The following ELAVL2 variants were observed in gnomAD, a reference collection of about 807,000 sequenced individuals.
ELAVL2 encodes ELAV-like protein 2.
ELAVL2 carries 4 observed loss-of-function variants against 34.6 expected under a neutral mutation model. The observed-to-expected ratio is 0.12, with a 90% CI of 0.06 to 0.26. The LOEUF (loss-of-function observed/expected upper bound fraction) is 0.26, where lower values mean the gene tolerates loss of function less well. ELAVL2 is among the 10% of genes least tolerant of loss of function. The pLI, the probability that ELAVL2 is intolerant of heterozygous loss-of-function variation, is 1.00. For synonymous variants in ELAVL2, 193 were observed against 154.8 expected, an observed-to-expected ratio of 1.25 and a Z score of -1.83; for missense variants, 432 against 442.8, an observed-to-expected ratio of 0.98 and a Z score of 0.22.
At chr9:23,764,971 A>G in intron 1 of ELAVL2, 1 of 1,598,490 alleles carries the variant, frequency 6.3e-7, no homozygotes, top group Non-Finnish European at 8.5e-7. Context: ...CATGCTAAAA[A>G]AAAGTAGCCT....
intron 1 of ELAVL2, among the ~76,000 whole-genome samples, chr9:23,786,315 GAT>G (rs2059675109): frequency 6.6e-6 from 1 of 152,056 alleles, no homozygotes; most frequent in Non-Finnish European, 1.5e-5. Flanking sequence ...TTTATATTGA[GAT>G]AAACTATATA....
At chr9:23,712,806 G>A (rs933630478) in intron 3 of ELAVL2, among the ~76,000 whole-genome samples, 2 of 152,250 alleles carry the variant, frequency 1.3e-5, no homozygotes, top group Admixed American at 6.5e-5. Context: ...ACTTAAAGGC[G>A]ACCTAGGAAT....
At chr9:23,745,763 T>C (rs1282126076) in intron 2 of ELAVL2, among the ~76,000 whole-genome samples, 1 of 152,098 alleles carries the variant, frequency 6.6e-6, no homozygotes, top group Non-Finnish European at 1.5e-5. Flanking sequence ...GCAGAGGAGA[T>C]AAATGTAGGT....
intron 2 of ELAVL2, among the ~76,000 whole-genome samples, chr9:23,732,019 T>C (rs2046695318): frequency 6.6e-6 from 1 of 152,170 alleles, no homozygotes; most frequent in African/African-American, 2.4e-5. Flanking sequence ...AACTTTTCAA[T>C]GAAGCAAGTT....
chr9:23,745,280 T>C (rs564663301), intron 2 of ELAVL2, among the ~76,000 whole-genome samples: 1 of 152,256 alleles, frequency 6.6e-6, no homozygotes, highest in South Asian at 2.1e-4. Flanking sequence ...GAAGAATGTT[T>C]TCTGAATGTA....
chr9:23,807,028 C>T (rs2062320832), intron 1 of ELAVL2, among the ~76,000 whole-genome samples: 1 of 151,942 alleles, frequency 6.6e-6, no homozygotes, highest in East Asian at 1.9e-4. Context: ...TAATATCCAC[C>T]TACAAAAAAA....
intron 1 of ELAVL2, among the ~76,000 whole-genome samples, chr9:23,811,943 A>G (rs1172948558): frequency 6.6e-6 from 1 of 152,174 alleles, no homozygotes; most frequent in Non-Finnish European, 1.5e-5. Context: ...GGAGGGAAAT[A>G]AGACATAAAA....
At chr9:23,707,391 T>C (rs2039665724) in intron 3 of ELAVL2, among the ~76,000 whole-genome samples, 1 of 152,212 alleles carries the variant, frequency 6.6e-6, no homozygotes, top group African/African-American at 2.4e-5. Context: ...TGGCTTTTTT[T>C]TCCACAGGAG....
At chr9:23,798,652 G>A (rs551011032) in intron 1 of ELAVL2, among the ~76,000 whole-genome samples, 1 of 152,276 alleles carries the variant, frequency 6.6e-6, no homozygotes, top group African/African-American at 2.4e-5. Context: ...TTCTGCCTTT[G>A]TAGGGGGTGT....
intron 2 of ELAVL2, among the ~76,000 whole-genome samples, chr9:23,753,210 C>G (rs1047739815): frequency 6.6e-6 from 1 of 152,130 alleles, no homozygotes; most frequent in African/African-American, 2.4e-5. Context: ...TGGAAAAGCA[C>G]ACTCTGAGGG....
intron 1 of ELAVL2, among the ~76,000 whole-genome samples, chr9:23,825,459 T>C (rs997182727): frequency 8.5e-5 from 13 of 152,106 alleles, no homozygotes; most frequent in Non-Finnish European, 1.8e-4. Context: ...AGTAGAGGCA[T>C]GCATCCCCAA....
intron 5 of ELAVL2, among the ~76,000 whole-genome samples, chr9:23,695,535 A>C (rs571950563): frequency 9.8e-5 from 15 of 152,298 alleles, no homozygotes; most frequent in Middle Eastern, 3.4e-3. Context: ...ATATGTTCTG[A>C]AAATGTGTCA....
intron 3 of ELAVL2, among the ~76,000 whole-genome samples, chr9:23,709,599 A>C (rs1481287518): frequency 6.6e-6 from 1 of 152,202 alleles, no homozygotes; most frequent in Non-Finnish European, 1.5e-5. Flanking sequence ...GTTCGCTTTA[A>C]ATGACAAATT....
At chr9:23,799,969 C>T (rs2061390205) in intron 1 of ELAVL2, among the ~76,000 whole-genome samples, 2 of 152,132 alleles carry the variant, frequency 1.3e-5, no homozygotes, top group African/African-American at 4.8e-5. Flanking sequence ...TGGGTGGGTG[C>T]AGGGGACAGA....
chr9:23,747,470 G>A (rs2050787672), intron 2 of ELAVL2, among the ~76,000 whole-genome samples: 1 of 152,166 alleles, frequency 6.6e-6, no homozygotes, highest in African/African-American at 2.4e-5. Context: ...GTCACCACTT[G>A]AAATCAAGAA....
chr9:23,772,977 G>A (rs889240072), intron 1 of ELAVL2, among the ~76,000 whole-genome samples: 1 of 151,972 alleles, frequency 6.6e-6, no homozygotes, highest in African/African-American at 2.4e-5. Context: ...TTTAAAAACC[G>A]ACATCCCAGC....
the ELAVL2 span, among the ~76,000 whole-genome samples, chr9:23,847,952 G>T: frequency 6.6e-6 from 1 of 151,816 alleles, no homozygotes; most frequent in Non-Finnish European, 1.5e-5. Flanking sequence ...TAAATCTGAT[G>T]GCTTCTTTGA....
At chr9:23,732,680 A>G (rs1224455038) in intron 2 of ELAVL2, among the ~76,000 whole-genome samples, 28 of 152,178 alleles carry the variant, frequency 1.8e-4, no homozygotes, top group Admixed American at 1.8e-3. Flanking sequence ...AAATCTGCTC[A>G]AGGAACCAGC....
intron 1 of ELAVL2, among the ~76,000 whole-genome samples, chr9:23,824,753 G>C (rs1480375573): frequency 6.6e-6 from 1 of 152,158 alleles, no homozygotes; most frequent in African/African-American, 2.4e-5. Flanking sequence ...AATCACAAAA[G>C]TTAAAATGAA....
Sources: allele counts gnomAD v4.1 joint callset (sites outside exome capture counted in the v4.1 genomes callset), GRCh38; gene constraint gnomAD v4.1.1; transcripts MANE v1.5; gene names NCBI Gene and HGNC (gene_info 2026-07-23, HGNC 2026-07-21).